Variants in DENND5B observed in about 807,000 individuals in gnomAD.
DENND5B encodes DENN domain-containing protein 5B.
A neutral mutation model predicts 140.6 loss-of-function variants in DENND5B; 34 were observed. The ratio of observed to expected loss-of-function variants is 0.24; its 90% confidence interval spans 0.18 to 0.32. The LOEUF is 0.32. DENND5B is among the 10% of genes least tolerant of loss of function. DENND5B has a pLI of 1.00. For missense variants in DENND5B, 1,142 were observed against 1,560.2 expected, an observed-to-expected ratio of 0.73 and a Z score of 4.52; for synonymous variants, 551 against 562.1, an observed-to-expected ratio of 0.98 and a Z score of 0.28.
chr12:31,464,680 C>A (rs751436995), intron 3 of DENND5B, among the ~76,000 whole-genome samples: 2 of 152,126 alleles, frequency 1.3e-5, no homozygotes, highest in African/African-American at 2.4e-5. Context: ...CATGCCTCAG[C>A]CTCCCGAGTA....
intron 1 of DENND5B, among the ~76,000 whole-genome samples, chr12:31,498,225 G>A (rs1446529768): frequency 6.6e-6 from 1 of 152,114 alleles, no homozygotes; most frequent in Non-Finnish European, 1.5e-5. Context: ...TGCAGAAGCA[G>A]AAGAAACAAG....
chr12:31,480,472 T>A (rs1258338223), intron 2 of DENND5B, among the ~76,000 whole-genome samples: 2 of 152,238 alleles, frequency 1.3e-5, no homozygotes, highest in African/African-American at 4.8e-5. Context: ...GAAAAACTTT[T>A]ACTGTGTGAT....
At chr12:31,492,237 A>C (rs1178857807) in intron 2 of DENND5B, among the ~76,000 whole-genome samples, 4 of 152,238 alleles carry the variant, frequency 2.6e-5, no homozygotes, top group Admixed American at 2.0e-4. Context: ...GCAAGGAGTA[A>C]AGAAAATATC....
intron 1 of DENND5B, chr12:31,500,729 T>C (rs933397777): frequency 1.8e-5 from 3 of 162,738 alleles, no homozygotes; most frequent in African/African-American, 4.9e-5. Context: ...TGCATATTGA[T>C]TAGAATGGCT....
chr12:31,507,679 A>G (rs1204452421), intron 1 of DENND5B, among the ~76,000 whole-genome samples: 16 of 152,244 alleles, frequency 1.1e-4, no homozygotes, highest in Admixed American at 2.6e-4. Context: ...TGAAACTCTA[A>G]GAGGAAAGAG....
intron 1 of DENND5B, among the ~76,000 whole-genome samples, chr12:31,538,731 T>C (rs1017224337): frequency 1.3e-5 from 2 of 151,994 alleles, no homozygotes; most frequent in African/African-American, 4.8e-5. Flanking sequence ...TAGCCGGGCA[T>C]GGTGGTGTGC....
rs142764824 is a variant in DENND5B, at chr12:31,578,270, T to C, written c.127+12436A>G. On this transcript the variant is annotated intron_variant, in intron 1 of 20. Coordinates refer to ENST00000389082, the MANE Select transcript of DENND5B (RefSeq NM_144973.4). ...ATACTCTTTCCAAAACACTGTCACA[T>C]TGTATAATTGAGAAAAGTATCTAGA... 3.1e-3 allele frequency among the ~76,000 whole-genome samples: 475 copies of C among 152,258 alleles called. 4 individuals are homozygous for C. The highest frequency in any genetic ancestry group is 0.011 in the African/African-American group (442 of 41,550).
intron 2 of DENND5B, among the ~76,000 whole-genome samples, chr12:31,481,800 C>T (rs556120922): frequency 6.6e-6 from 1 of 152,224 alleles, no homozygotes; most frequent in South Asian, 2.1e-4. Flanking sequence ...AGGAGAGGGA[C>T]AGAATTAGAC....
chr12:31,546,097 C>T (rs1948850453), intron 1 of DENND5B, among the ~76,000 whole-genome samples: 1 of 151,316 alleles, frequency 6.6e-6, no homozygotes, highest in Non-Finnish European at 1.5e-5. Context: ...TCTTTGCTTT[C>T]TAGTTTTAAT....
rs375588232 is a variant in DENND5B, at chr12:31,458,638, T to C, written c.1092+1556A>G. 9.2e-5 allele frequency among the ~76,000 whole-genome samples: 14 copies of C among 152,290 alleles called. No homozygotes were observed. The South Asian group carries it at 2.7e-3, about 29-fold the overall frequency. ...CTTAATTTTTGTGGGGAAATATTCATTAGAATAAAAGTAAGCAGTGGATGA... is the reference window on the plus strand; with the variant it reads ...CTTAATTTTTGTGGGGAAATATTCACTAGAATAAAAGTAAGCAGTGGATGA... On this transcript the variant is annotated intron_variant, in intron 4 of 20. Transcript: ENST00000389082.
Position 31,569,060 on chromosome 12 carries a change from C to CTTTTT in DENND5B, c.127+21641_127+21645dup, listed in dbSNP as rs1234009016. Among the ~76,000 whole-genome samples, 194 of 93,132 alleles carry CTTTTT rather than the reference C, an allele frequency of 2.1e-3. 3 individuals are homozygous for CTTTTT. Among genetic ancestry groups the CTTTTT allele is most frequent in the Non-Finnish European group, 2.6e-3 (127 of 49,132 alleles). 61.1% of individuals were successfully genotyped at this position (93,132 alleles called of 152,430 possible). A position where few individuals can be genotyped will look rare whatever the true frequency, so the allele number is the denominator to read the frequency against. ...CATGCCACCACACCCAGCAACATAC[C>CTTTTT]TTTTTTTTTTTTTTTTTTTTTTTGA... On this transcript the variant is annotated intron_variant, in intron 1 of 20. Transcript: ENST00000389082.
chr12:31,442,863 C>A lies in DENND5B; in HGVS notation c.1924G>T (p.Asp642Tyr). Residue 642 changes from aspartate to tyrosine, a missense_variant, in exon 7 of 21, where the codon GAT becomes TAT. Asp to Tyr is a radical substitution (Grantham distance 160). Coordinates refer to ENST00000389082, the MANE Select transcript of DENND5B (RefSeq NM_144973.4). The stretch of plus-strand genomic sequence containing the variant: ...TATTTGCCTTGACCAATTTTCATAT[C>A]AAGTAGATGTGGGTGGATTGCAGTG... Reference protein sequence around the residue: ...DHTAIHPHLLDMKIGQGKYEQ... With the variant: ...DHTAIHPHLLYMKIGQGKYEQ... 1 of 1,611,636 alleles carries A rather than the reference C, an allele frequency of 6.2e-7. No homozygotes were observed.
At chr12:31,388,721 C>T (rs1369720462) in intron 20 of DENND5B, among the ~76,000 whole-genome samples, 1 of 152,066 alleles carries the variant, frequency 6.6e-6, no homozygotes, top group Non-Finnish European at 1.5e-5. Context: ...TGTATCGCTC[C>T]TATGTGCCAC....
At chr12:31,562,999 G>A (rs1214388998) in intron 1 of DENND5B, among the ~76,000 whole-genome samples, 1 of 150,398 alleles carries the variant, frequency 6.6e-6, no homozygotes, top group Non-Finnish European at 1.5e-5. Flanking sequence ...CAAACTTTCT[G>A]CACAATAACT....
chr12:31,588,910 ATAT>A (rs1482660475), intron 1 of DENND5B, among the ~76,000 whole-genome samples: 7 of 152,370 alleles, frequency 4.6e-5, no homozygotes, highest in Admixed American at 2.6e-4. Flanking sequence ...AATACATTAA[ATAT>A]TATGAGAAGC....
chr12:31,564,374 G>C (rs1342177059), intron 1 of DENND5B, among the ~76,000 whole-genome samples: 3 of 151,846 alleles, frequency 2.0e-5, no homozygotes, highest in Non-Finnish European at 2.9e-5. Flanking sequence ...AGTATGTGAG[G>C]ATCTAGTGCA....
chr12:31,559,113 T>C lies in DENND5B; in HGVS notation c.127+31593A>G, dbSNP rs1949390602. On this transcript the variant is annotated intron_variant, in intron 1 of 20. Coordinates refer to ENST00000389082, the MANE Select transcript of DENND5B (RefSeq NM_144973.4). ...AAAATGAAAAGTAAACTTTCTACCA[T>C]CCTCGTACTGATAGAAAATTCTCAT... Among the ~76,000 whole-genome samples the C allele has an allele frequency of 2.0e-5, 3 of 152,160 alleles. No individual in the cohort carries two copies. In the South Asian group the frequency reaches 6.2e-4, roughly 32 times the overall value.
intron 3 of DENND5B, among the ~76,000 whole-genome samples, chr12:31,478,955 T>C (rs1945946330): frequency 6.6e-6 from 1 of 152,100 alleles, no homozygotes; most frequent in South Asian, 2.1e-4. Context: ...GAATGAAAGA[T>C]ACCACAAAGA....
intron 1 of DENND5B, among the ~76,000 whole-genome samples, chr12:31,579,599 T>G (rs960753797): frequency 6.6e-6 from 1 of 152,098 alleles, no homozygotes; most frequent in African/African-American, 2.4e-5. Context: ...AGGCAGATAC[T>G]GCAATGAGGC....
Sources: gnomAD v4.1 joint callset for allele counts (sites outside exome capture counted in the v4.1 genomes callset) on GRCh38, gnomAD v4.1.1 for gene constraint, MANE v1.5 for transcripts, NCBI Gene and HGNC (gene_info 2026-07-23, HGNC 2026-07-21) for gene names.